SLC2A13: variants seen among roughly 807,000 people sequenced by gnomAD.
SLC2A13 encodes the protein solute carrier family 2 member 13, also known as proton myo-inositol cotransporter.
A neutral mutation model predicts 64.4 loss-of-function variants in SLC2A13; 32 were observed. The observed-to-expected ratio is 0.50, with a 90% CI of 0.37 to 0.67. SLC2A13 has a LOEUF of 0.67. Among genes scored for constraint, SLC2A13 ranks in the 30% least tolerant of loss-of-function variants. SLC2A13 has a pLI of 0.00. For synonymous variants in SLC2A13, 338 were observed against 327.1 expected (o/e 1.03, Z -0.36); for missense variants, 743 against 829.2 (o/e 0.90, Z 1.28).
chr12:39,856,097 C>A (rs564071997), intron 6 of SLC2A13, among the ~76,000 whole-genome samples: 1 of 152,302 alleles, frequency 6.6e-6, no homozygotes, highest in African/African-American at 2.4e-5. Flanking sequence ...AAATCACCAA[C>A]TCTTGGATAG....
chr12:39,862,222 G>C (rs1943782365), intron 6 of SLC2A13, among the ~76,000 whole-genome samples: 1 of 152,164 alleles, frequency 6.6e-6, no homozygotes, highest in Non-Finnish European at 1.5e-5. Context: ...AAATTATTTA[G>C]GGTTGTCGAT....
chr12:39,902,710 C>A (rs1018178940), intron 4 of SLC2A13, among the ~76,000 whole-genome samples: 11 of 151,828 alleles, frequency 7.2e-5, no homozygotes, highest in African/African-American at 1.9e-4. Flanking sequence ...AAATGCGTCA[C>A]CTTCATTTAC....
intron 2 of SLC2A13, among the ~76,000 whole-genome samples, chr12:40,038,466 C>A (rs1948025756): frequency 6.6e-6 from 1 of 152,068 alleles, no homozygotes; most frequent in South Asian, 2.1e-4. Context: ...TAAGGCCAGG[C>A]ATGGTGGCCC....
intron 4 of SLC2A13, among the ~76,000 whole-genome samples, chr12:39,896,502 G>A (rs1592258360): frequency 6.9e-6 from 1 of 144,716 alleles, no homozygotes; most frequent in Non-Finnish European, 1.5e-5. Flanking sequence ...ACACATATAT[G>A]TATGTACATG....
At chr12:39,875,262 C>T (rs1204846238) in intron 4 of SLC2A13, among the ~76,000 whole-genome samples, 1 of 152,162 alleles carries the variant, frequency 6.6e-6, no homozygotes, top group African/African-American at 2.4e-5. Flanking sequence ...TCTTTTGCAG[C>T]TTTTAGAGGT....
chr12:39,948,078 C>T (rs951164751), intron 4 of SLC2A13, among the ~76,000 whole-genome samples: 6 of 152,074 alleles, frequency 3.9e-5, no homozygotes, highest in African/African-American at 1.2e-4. Context: ...GATACTAACA[C>T]CCTTATATTA....
intron 6 of SLC2A13, among the ~76,000 whole-genome samples, chr12:39,833,590 C>T (rs1942921130): frequency 2.0e-5 from 3 of 152,052 alleles, no homozygotes; most frequent in Non-Finnish European, 4.4e-5. Context: ...ACTTTTCAAC[C>T]TCTAGACTAT....
intron 3 of SLC2A13, among the ~76,000 whole-genome samples, chr12:39,967,362 T>C (rs1020409622): frequency 2.6e-5 from 4 of 152,194 alleles, no homozygotes; most frequent in Non-Finnish European, 4.4e-5. Flanking sequence ...TCATGATCAC[T>C]GGAATGCACA....
chr12:39,976,196 C>G (rs1338120942), intron 3 of SLC2A13, among the ~76,000 whole-genome samples: 1 of 152,196 alleles, frequency 6.6e-6, no homozygotes, highest in Non-Finnish European at 1.5e-5. Flanking sequence ...ATAAACAACA[C>G]CCAAAATTAG....
intron 7 of SLC2A13, chr12:39,829,404 T>TTTTTTTTA (rs1942790388): frequency 9.6e-6 from 1 of 103,976 alleles, no homozygotes; most frequent in Non-Finnish European, 1.9e-5. Flanking sequence ...TTTTTTTTTT[T>TTTTTTTTA]TTTTTTTTTT....
intron 7 of SLC2A13, among the ~76,000 whole-genome samples, chr12:39,799,164 C>T (rs757852298): frequency 1.3e-5 from 2 of 150,408 alleles, no homozygotes; most frequent in East Asian, 2.0e-4. Flanking sequence ...CTCACTGCAA[C>T]CTCCGCCTCC....
At chr12:39,863,633 A>G (rs1157450637) in intron 6 of SLC2A13, among the ~76,000 whole-genome samples, 3 of 152,234 alleles carry the variant, frequency 2.0e-5, no homozygotes, top group Admixed American at 2.0e-4. Context: ...TAAAGATGCT[A>G]TGGTTAACTT....
intron 4 of SLC2A13, among the ~76,000 whole-genome samples, chr12:39,900,198 A>G (rs1945048720): frequency 6.6e-6 from 1 of 152,184 alleles, no homozygotes; most frequent in African/African-American, 2.4e-5. Context: ...TCTCAAAATA[A>G]TAAGAGCTAT....
At chr12:39,954,005 C>T (rs1002081565) in intron 3 of SLC2A13, among the ~76,000 whole-genome samples, 1 of 152,152 alleles carries the variant, frequency 6.6e-6, no homozygotes, top group African/African-American at 2.4e-5. Context: ...TATAAAATTC[C>T]AGCTCTTGAC....
At chr12:39,984,044 T>C (rs1039955832) in intron 3 of SLC2A13, among the ~76,000 whole-genome samples, 5 of 151,856 alleles carry the variant, frequency 3.3e-5, no homozygotes, top group East Asian at 2.0e-4. Flanking sequence ...ATGGATGAAA[T>C]TGGAAACCAT....
intron 4 of SLC2A13, among the ~76,000 whole-genome samples, chr12:39,874,513 G>A (rs1369627401): frequency 2.0e-5 from 3 of 151,546 alleles, no homozygotes; most frequent in Admixed American, 6.6e-5. Flanking sequence ...TACTCAGGAG[G>A]CTAAGGCAGG....
Position 40,106,026 on chromosome 12 carries a change from G to A in SLC2A13, c.-218C>T, listed in dbSNP as rs544397026. ...CGACGCTGCGGAGTTGGAGCCCGGC[G>A]GGTCTCACTCCACACTCACGCCCCG... On this transcript the variant is annotated 5_prime_UTR_variant, in exon 1 of 10. Transcript: ENST00000280871. The A allele has an allele frequency of 9.2e-4, 440 of 476,352 alleles. No individual in the cohort carries two copies. Among genetic ancestry groups the A allele is most frequent in the Non-Finnish European group, 1.2e-3 (358 of 292,600 alleles). The allele number at this position is 476,352 out of a possible 1,614,324, so 29.5% of individuals were successfully genotyped here.
At chr12:39,987,317 T>G (rs1441776301) in intron 3 of SLC2A13, among the ~76,000 whole-genome samples, 1 of 152,220 alleles carries the variant, frequency 6.6e-6, no homozygotes, top group Non-Finnish European at 1.5e-5. Flanking sequence ...ATAAAAATCA[T>G]GATACATCTA....
At chr12:39,918,931 T>TATACGC (rs1423951730) in intron 4 of SLC2A13, among the ~76,000 whole-genome samples, 29 of 148,222 alleles carry the variant, frequency 2.0e-4, no homozygotes, top group Admixed American at 7.0e-4. Context: ...TTTCAGGTTA[T>TATACGC]ACACGCGCAC....
Sources: allele counts gnomAD v4.1 joint callset (sites outside exome capture counted in the v4.1 genomes callset), GRCh38; gene constraint gnomAD v4.1.1; transcripts MANE v1.5; gene names NCBI Gene and HGNC (gene_info 2026-07-23, HGNC 2026-07-21).